The following PRSS23 variants were observed in gnomAD, a reference collection of about 807,000 sequenced individuals.
The protein encoded by PRSS23 is protease, serine 23.
Under a neutral mutation model 34.7 loss-of-function variants are expected in PRSS23, and 25 were observed. The ratio of observed to expected loss-of-function variants is 0.72; its 90% CI spans 0.53 to 1.01. The LOEUF (loss-of-function observed/expected upper bound fraction) is 1.01, where lower values mean the gene tolerates loss of function less well. PRSS23 is among the 50% of genes least tolerant of loss of function. The pLI is 0.00. For synonymous variants in PRSS23, 176 were observed against 186.6 expected (o/e 0.94, Z 0.46); for missense variants, 445 against 475.6 (o/e 0.94, Z 0.60).
intron 2 of PRSS23, among the ~76,000 whole-genome samples, chr11:86,914,729 T>C (rs1277684526): frequency 6.6e-6 from 1 of 152,228 alleles, no homozygotes; most frequent in East Asian, 1.9e-4. Context: ...ATAAAAACTT[T>C]CAATAATTCT....
chr11:86,825,198 T>A (rs1948289779), intron 2 of PRSS23, among the ~76,000 whole-genome samples: 1 of 151,896 alleles, frequency 6.6e-6, no homozygotes, highest in Non-Finnish European at 1.5e-5. Context: ...GGTATCTCAT[T>A]GTGGTTTTGA....
intron 2 of PRSS23, among the ~76,000 whole-genome samples, chr11:86,873,217 G>C (rs7944431): frequency 1.5e-5 from 2 of 133,050 alleles, no homozygotes; most frequent in African/African-American, 3.0e-5. Flanking sequence ...CACACACACA[G>C]ATATATGTAT....
chr11:86,830,639 A>T (rs761091084), intron 2 of PRSS23, among the ~76,000 whole-genome samples: 18 of 151,636 alleles, frequency 1.2e-4, no homozygotes, highest in Non-Finnish European at 2.2e-4. Flanking sequence ...TCTTGGCTTG[A>T]CTCTGTAATA....
chr11:86,939,776 T>A (rs1219903872), intron 2 of PRSS23, among the ~76,000 whole-genome samples: 1 of 123,288 alleles, frequency 8.1e-6, no homozygotes, highest in Non-Finnish European at 1.8e-5. Context: ...TTTTTTTTTT[T>A]AAAGGGGTGG....
chr11:86,896,583 T>C (rs1590918351), intron 2 of PRSS23: 1 of 152,232 alleles, frequency 6.6e-6, no homozygotes, highest in South Asian at 2.1e-4. Context: ...CCCAAACATC[T>C]GTTCAGTCAC....
chr11:86,949,405 T>TG (rs1949270862), intron 2 of PRSS23: 3 of 143,506 alleles, frequency 2.1e-5, no homozygotes, highest in African/African-American at 8.1e-5. Flanking sequence ...AAAGTGTGAT[T>TG]GAAAAAAAAA....
intron 2 of PRSS23, among the ~76,000 whole-genome samples, chr11:86,879,821 G>T (rs1348700991): frequency 5.0e-5 from 1 of 20,072 alleles, no homozygotes; most frequent in Non-Finnish European, 8.0e-5. Flanking sequence ...GGAGGGAGGT[G>T]GGGGGGGTCA....
intron 2 of PRSS23, among the ~76,000 whole-genome samples, chr11:86,875,059 C>T: frequency 6.6e-6 from 1 of 152,186 alleles, no homozygotes; most frequent in East Asian, 1.9e-4. Flanking sequence ...AAGGCAGGAA[C>T]TGCATGGTCT....
At chr11:86,865,798 C>A (rs915095725) in intron 2 of PRSS23, among the ~76,000 whole-genome samples, 1 of 152,160 alleles carries the variant, frequency 6.6e-6, no homozygotes, top group African/African-American at 2.4e-5. Context: ...ACATCAAGAC[C>A]AGACTAAGCA....
At chr11:86,832,227 C>T (rs1948363602) in intron 2 of PRSS23, among the ~76,000 whole-genome samples, 1 of 152,168 alleles carries the variant, frequency 6.6e-6, no homozygotes, top group South Asian at 2.1e-4. Context: ...GGGTGTACCA[C>T]ATGTGTGAAC....
chr11:86,907,789 G>A (rs1413861810), intron 2 of PRSS23, among the ~76,000 whole-genome samples: 3 of 152,140 alleles, frequency 2.0e-5, no homozygotes, highest in South Asian at 2.1e-4. Context: ...TAGTGCCGTC[G>A]TTTTAACTGT....
At chr11:86,792,300 C>T (rs1947956479) in intron 1 of PRSS23, among the ~76,000 whole-genome samples, 1 of 152,182 alleles carries the variant, frequency 6.6e-6, no homozygotes, top group Non-Finnish European at 1.5e-5. Flanking sequence ...CCATGGACTA[C>T]TCGGCAATTG....
chr11:86,930,143 T>TA (rs935382529), intron 2 of PRSS23, among the ~76,000 whole-genome samples: 2 of 151,356 alleles, frequency 1.3e-5, no homozygotes, highest in Non-Finnish European at 2.9e-5. Context: ...GTATAGGCAT[T>TA]AAAAAATATC....
chr11:86,951,398 G>A (rs1183981823), exon 3 of PRSS23: 1 of 1,613,522 alleles, frequency 6.2e-7, no homozygotes, highest in Non-Finnish European at 8.5e-7. Context: ...AAAATAACAG[G>A]CAATCACACA....
chr11:86,808,970 T>C lies in PRSS23; in HGVS notation c.*175T>C. The C allele has an allele frequency of 1.7e-6, 1 of 594,990 alleles. No individual in the cohort carries two copies. The highest frequency in any genetic ancestry group is 2.9e-5 in the East Asian group (1 of 34,742). The allele number at this position is 594,990 out of a possible 1,614,324, so 36.9% of individuals were successfully genotyped here. A position where few individuals can be genotyped will look rare whatever the true frequency, so the allele number is the denominator to read the frequency against. ...TTGCAAGATGACTGGCTTTACTATT[T>C]GAAAACTGGTTTGTGTATCATATCA... On this transcript the variant is annotated 3_prime_UTR_variant, in exon 2 of 2. Transcript: ENST00000280258.
chr11:86,853,421 T>G (rs569769735), intron 2 of PRSS23, among the ~76,000 whole-genome samples: 1 of 150,022 alleles, frequency 6.7e-6, no homozygotes, highest in Non-Finnish European at 1.5e-5. Context: ...GCCTGGCTAA[T>G]TTTTTGTATT....
intron 2 of PRSS23, chr11:86,911,273 C>G (rs1948975393): frequency 6.6e-6 from 1 of 152,020 alleles, no homozygotes; most frequent in African/African-American, 2.4e-5. Flanking sequence ...CACCACATCA[C>G]TTTCTTTTTA....
At position 86,893,601 on chromosome 11, in the gene PRSS23, A is replaced by G. The variant is rs900146675; in HGVS notation, c.207-57615A>G. On this transcript the variant is annotated intron_variant, in intron 2 of 2. Transcript: ENST00000533902. ...TAAGGTAGGATGGCAGGAGCTATCTACTTAGCACAGAGATGTGATCATTAT... is the reference window on the plus strand; with the variant it reads ...TAAGGTAGGATGGCAGGAGCTATCTGCTTAGCACAGAGATGTGATCATTAT... Among the ~76,000 whole-genome samples, 8 of 152,226 alleles carry G rather than the reference A, an allele frequency of 5.3e-5. No homozygotes were observed. In the East Asian group the frequency reaches 1.5e-3, roughly 29 times the overall value.
chr11:86,871,697 C>T (rs530857205), intron 2 of PRSS23, among the ~76,000 whole-genome samples: 1 of 152,268 alleles, frequency 6.6e-6, no homozygotes, highest in South Asian at 2.1e-4. Context: ...ATATTTTATT[C>T]CATTTTGTTG....
Sources: allele counts gnomAD v4.1 joint callset (sites outside exome capture counted in the v4.1 genomes callset), GRCh38; gene constraint gnomAD v4.1.1; transcripts MANE v1.5; gene names NCBI Gene and HGNC (gene_info 2026-07-23, HGNC 2026-07-21).